PLPPR1: variants seen among roughly 807,000 people sequenced by gnomAD.
The protein encoded by PLPPR1 is phospholipid phosphatase related 1.
Under a neutral mutation model 33.1 loss-of-function variants are expected in PLPPR1, and 10 were observed. That is an observed-to-expected ratio of 0.30 (90% CI 0.19 to 0.51). The LOEUF is 0.51. Ranked by LOEUF, PLPPR1 falls within the 20% of genes least tolerant of loss-of-function variation. PLPPR1 has a pLI of 0.97. For synonymous variants in PLPPR1, 151 were observed against 151.0 expected, an observed-to-expected ratio of 1.00 and a Z score of 0.00; for missense variants, 304 against 408.1, an observed-to-expected ratio of 0.74 and a Z score of 2.20.
chr9:101,168,025 T>C (rs1825885575), intron 1 of PLPPR1, among the ~76,000 whole-genome samples: 1 of 151,898 alleles, frequency 6.6e-6, no homozygotes, highest in Admixed American at 6.6e-5. Flanking sequence ...TCCTGAGACT[T>C]ATTCACTATC....
intron 1 of PLPPR1, among the ~76,000 whole-genome samples, chr9:101,107,693 G>C (rs1291506815): frequency 1.1e-5 from 1 of 93,500 alleles, no homozygotes; most frequent in African/African-American, 4.6e-5. Flanking sequence ...CGAGCTTCCC[G>C]GCTGCTTTGT....
chr9:101,030,961 G>T (rs573576450), intron 1 of PLPPR1, among the ~76,000 whole-genome samples: 3 of 152,000 alleles, frequency 2.0e-5, no homozygotes, highest in South Asian at 4.2e-4. Context: ...GAAGCAGGGG[G>T]TGGGGGGGAA....
At chr9:101,310,633 C>A (rs1214780554) in intron 5 of PLPPR1, among the ~76,000 whole-genome samples, 1 of 152,212 alleles carries the variant, frequency 6.6e-6, no homozygotes. Context: ...GTTTCTTATA[C>A]CCCAAATGAT....
intron 1 of PLPPR1, among the ~76,000 whole-genome samples, chr9:101,060,860 A>G (rs888219316): frequency 2.0e-5 from 3 of 151,972 alleles, no homozygotes; most frequent in Non-Finnish European, 2.9e-5. Context: ...CACTTTATAA[A>G]GTACAAAAAT....
At chr9:101,189,100 G>T (rs911265084) in intron 2 of PLPPR1, among the ~76,000 whole-genome samples, 1 of 152,076 alleles carries the variant, frequency 6.6e-6, no homozygotes, top group Non-Finnish European at 1.5e-5. Context: ...GACACAGCCT[G>T]CAGGAGACCC....
intron 1 of PLPPR1, among the ~76,000 whole-genome samples, chr9:101,041,806 G>A (rs1830081546): frequency 1.3e-5 from 2 of 152,156 alleles, no homozygotes; most frequent in Non-Finnish European, 2.9e-5. Context: ...TCCTTGGAGA[G>A]CAATTATTGA....
chr9:101,322,006 T>C (rs926133965), intron 7 of PLPPR1, among the ~76,000 whole-genome samples: 3 of 148,670 alleles, frequency 2.0e-5, no homozygotes, highest in Non-Finnish European at 3.0e-5. Context: ...AAGACCAGCC[T>C]GGCCAACATG....
intron 1 of PLPPR1, among the ~76,000 whole-genome samples, chr9:101,176,622 A>T (rs1388953648): frequency 6.6e-6 from 1 of 152,130 alleles, no homozygotes; most frequent in Non-Finnish European, 1.5e-5. Flanking sequence ...CACCTCTGTT[A>T]AGCAATAACA....
intron 7 of PLPPR1, among the ~76,000 whole-genome samples, chr9:101,321,919 T>G (rs1259312854): frequency 6.7e-6 from 1 of 148,536 alleles, no homozygotes; most frequent in Non-Finnish European, 1.5e-5. Flanking sequence ...TATATACTTA[T>G]ATATGTATAC....
At chr9:101,320,946 T>C (rs1232955746) in intron 7 of PLPPR1, among the ~76,000 whole-genome samples, 3 of 152,164 alleles carry the variant, frequency 2.0e-5, no homozygotes, top group African/African-American at 7.2e-5. Context: ...TGAAAATTCT[T>C]TTTTGAAATC....
chr9:101,207,640 C>T (rs980014235), intron 2 of PLPPR1, among the ~76,000 whole-genome samples: 13 of 152,074 alleles, frequency 8.5e-5, no homozygotes, highest in East Asian at 1.9e-4. Context: ...CCCCATTCAC[C>T]GTGGAAAACA....
Position 101,139,136 on chromosome 9 carries a change from GA to G in PLPPR1, c.-45-46305del, listed in dbSNP as rs202127804. ...ATAGATTATTTCACAACAAATACAT[GA>G]AAAAAAAACTACCCATTGCAAAATT... is the stretch of plus-strand genomic sequence containing the variant. On this transcript the variant is annotated intron_variant, in intron 1 of 7. Transcript: ENST00000374874. 2.1e-3 allele frequency among the ~76,000 whole-genome samples: 316 copies of G among 150,972 alleles called. 1 individual carries two copies. Among genetic ancestry groups the G allele is most frequent in the Admixed American group, 3.4e-3 (52 of 15,144 alleles).
chr9:101,207,571 A>G (rs1159050590), intron 2 of PLPPR1, among the ~76,000 whole-genome samples: 1 of 152,112 alleles, frequency 6.6e-6, no homozygotes, highest in Admixed American at 6.6e-5. Flanking sequence ...GGCAGATAGA[A>G]CCTAAGTGTC....
chr9:101,188,066 T>C (rs1826234057), intron 2 of PLPPR1: 1 of 152,080 alleles, frequency 6.6e-6, no homozygotes, highest in Non-Finnish European at 1.5e-5. Context: ...AACATTATGT[T>C]TCTGAGATTT....
rs1206046905 is a variant in PLPPR1, at chr9:101,055,929, GT to G, written c.-46+26829del. Among the ~76,000 whole-genome samples, 3 of 152,188 alleles carry G rather than the reference GT, an allele frequency of 2.0e-5. No homozygotes were observed. The East Asian group carries it at 5.8e-4, about 29-fold the overall frequency. ...GGAATATATTTGGAATTTACGTCAT[GT>G]TCCCCAAAGCTAACTGCCTCCTGTA... On this transcript the variant is annotated intron_variant, in intron 1 of 7. Transcript: ENST00000374874.
chr9:101,058,075 G>C (rs1487404564), intron 1 of PLPPR1, among the ~76,000 whole-genome samples: 1 of 152,106 alleles, frequency 6.6e-6, no homozygotes, highest in African/African-American at 2.4e-5. Context: ...TGGAACCAGA[G>C]CCTTCTTCCT....
In PLPPR1 at chr9:101,309,344, C is replaced by A; in HGVS notation, c.519C>A (p.His173Gln). The A allele has an allele frequency of 6.2e-7, 1 of 1,614,084 alleles. No individual in the cohort carries two copies. The highest frequency in any genetic ancestry group is 1.1e-5 in the South Asian group (1 of 91,076). ...NYTSADCQAH[H>Q]QFINNGNICT... ...CCAGTGCAGACTGCCAAGCGCACCA[C>A]CAGTTTATAAACAATGGGAACATTT... Residue 173 changes from histidine to glutamine, a missense_variant, in exon 5 of 8, where the codon CAC (histidine) becomes CAA (glutamine). His to Gln is a conservative substitution (Grantham distance 24, BLOSUM62 0). Coordinates refer to ENST00000374874, the MANE Select transcript of PLPPR1 (RefSeq NM_207299.2).
intron 4 of PLPPR1, among the ~76,000 whole-genome samples, chr9:101,308,355 A>G (rs1043386438): frequency 5.9e-5 from 9 of 152,200 alleles, no homozygotes; most frequent in Non-Finnish European, 1.2e-4. Flanking sequence ...CAACTTCTAG[A>G]ACACATGGAA....
intron 1 of PLPPR1, among the ~76,000 whole-genome samples, chr9:101,084,210 C>G (rs1297299511): frequency 2.0e-5 from 3 of 152,304 alleles, no homozygotes; most frequent in East Asian, 3.9e-4. Flanking sequence ...TTGAGACCTG[C>G]TTGGACCCAG....
Sources: gnomAD v4.1 joint callset for allele counts (sites outside exome capture counted in the v4.1 genomes callset) on GRCh38, gnomAD v4.1.1 for gene constraint, MANE v1.5 for transcripts, NCBI Gene and HGNC (gene_info 2026-07-23, HGNC 2026-07-21) for gene names.